The following ARVCF variants were observed in gnomAD, a reference collection of about 807,000 sequenced individuals.
The protein encoded by ARVCF is ARVCF delta catenin family member.
In ARVCF, 66 loss-of-function variants were observed where a neutral mutation model predicts 90.9. The observed-to-expected ratio is 0.73, with a 90% CI of 0.60 to 0.89. The LOEUF (loss-of-function observed/expected upper bound fraction) is 0.89, where lower values mean the gene tolerates loss of function less well. Ranked by LOEUF, ARVCF falls within the 40% of genes least tolerant of loss-of-function variation. The pLI is 0.00. For synonymous variants in ARVCF, 653 were observed against 603.4 expected, an observed-to-expected ratio of 1.08 and a Z score of -1.21; for missense variants, 1,469 against 1,382.3, an observed-to-expected ratio of 1.06 and a Z score of -1.00.
chr22:19,996,603 C>A (rs1219143561), intron 2 of ARVCF, among the ~76,000 whole-genome samples: 1 of 152,222 alleles, frequency 6.6e-6, no homozygotes, highest in Non-Finnish European at 1.5e-5. Context: ...AACAAAGTGG[C>A]ATCCTCAGCC....
Position 19,990,754 on chromosome 22 carries a change from G to A in ARVCF, c.41C>T (p.Ala14Val). ...CNVHSAASIL[A>V]SVKEQEARFE... ...GCGGGCCTCCTGCTCCTTCACCGAG[G>A]CCAGGATGCTGGCGGCCGAGTGCAC... The change falls in exon 3 of 20, where the codon GCC becomes GTC. Residue 14 changes from alanine to valine, a missense_variant. Coordinates refer to ENST00000263207, the MANE Select transcript of ARVCF (RefSeq NM_001670.3). 1 of 1,587,872 alleles carries A rather than the reference G, an allele frequency of 6.3e-7. No individual in the cohort carries two copies. Among genetic ancestry groups the A allele is most frequent in the Non-Finnish European group, 8.6e-7 (1 of 1,166,536 alleles).
downstream of ARVCF, chr22:19,966,874 G>A (rs1017375266): frequency 3.3e-6 from 3 of 916,710 alleles, no homozygotes; most frequent in Admixed American, 1.9e-4. Flanking sequence ...AAGGAGGGTG[G>A]GCCAGATGAA....
In ARVCF at chr22:19,981,552, A is replaced by G. The variant is rs2073747; in HGVS notation, c.555T>C (p.Ser185=). 0.76 allele frequency: 1,217,054 copies of G among 1,592,134 alleles called. 467,474 individuals carry two copies. Among genetic ancestry groups the G allele is most frequent in the African/African-American group, 0.8 (59,392 of 74,492 alleles). The change falls in exon 5 of 20, where the codon AGT becomes AGC. Residue 185 remains serine, a synonymous_variant. Coordinates refer to ENST00000263207, the MANE Select transcript of ARVCF (RefSeq NM_001670.3). ...VATLSRAYLS[S]GGGFPEGPEP... ...CGGGGCCTTCGGGAAAGCCACCCCCACTGCTGAGGTAGGCTCGAGAGAGTG... is the reference window on the plus strand; with the variant it reads ...CGGGGCCTTCGGGAAAGCCACCCCCGCTGCTGAGGTAGGCTCGAGAGAGTG...
At position 19,981,371 on chromosome 22, in the gene ARVCF, C is replaced by G. The variant is rs1447393002; in HGVS notation, c.736G>C (p.Gly246Arg). 6.2e-7 allele frequency: 1 copy of G among 1,602,932 alleles called. No individual in the cohort carries two copies. Among genetic ancestry groups the G allele is most frequent in the Non-Finnish European group, 8.5e-7 (1 of 1,176,128 alleles). ...AAGCGCTCGGGCAGGGAGCGGCCAC[C>G]TGGTGGCCCAGGCTCAGGACCCACC... ...FPVGPEPGPP[G>R]GRSLPERFQA... The change falls in exon 5 of 20, where the codon GGT becomes CGT. Residue 246 changes from glycine to arginine, a missense_variant. Gly to Arg is a moderately radical substitution (Grantham distance 125, BLOSUM62 -2). Transcript: ENST00000263207.
chr22:19,994,102 A>G (rs1944132162), intron 2 of ARVCF, among the ~76,000 whole-genome samples: 1 of 151,940 alleles, frequency 6.6e-6, no homozygotes, highest in African/African-American at 2.4e-5. Flanking sequence ...AGATGGATAC[A>G]GGGGTGGATG....
intron 12 of ARVCF, 30 bp from the exon 13 acceptor site, chr22:19,973,823 C>T (rs1335614791): frequency 2.5e-6 from 4 of 1,586,144 alleles, no homozygotes; most frequent in Non-Finnish European, 3.4e-6. Context: ...GTTGCTCAGA[C>T]ATACATGCCA....
chr22:19,970,726 A>C lies in ARVCF; in HGVS notation c.*30T>G. On this transcript the variant is annotated 3_prime_UTR_variant, in exon 20 of 20. Transcript: ENST00000263207. ...TTCCACGATCCAAGCCCTAAGAACA[A>C]GAGGCTGGGCCTGGGCCCTGCAGAG... 1 of 1,286,702 alleles carries C rather than the reference A, an allele frequency of 7.8e-7. No homozygotes were observed. Among genetic ancestry groups the C allele is most frequent in the South Asian group, 1.2e-5 (1 of 80,608 alleles). 79.7% of individuals were successfully genotyped at this position (1,286,702 alleles called of 1,614,324 possible).
chr22:19,981,772 CGA>C, intron 4 of ARVCF, 35 bp from the exon 5 acceptor site: 1 of 1,550,708 alleles, frequency 6.4e-7, no homozygotes, highest in South Asian at 1.2e-5. Context: ...TGGGGTAGCA[CGA>C]GAGGCCTAGA....
At chr22:19,995,388 G>A (rs893448701) in intron 2 of ARVCF, among the ~76,000 whole-genome samples, 1 of 152,048 alleles carries the variant, frequency 6.6e-6, no homozygotes, top group South Asian at 2.1e-4. Flanking sequence ...GAATGGAAGG[G>A]GGGGTGGGCT....
At chr22:19,993,865 C>A (rs761890872) in intron 2 of ARVCF, among the ~76,000 whole-genome samples, 1 of 152,172 alleles carries the variant, frequency 6.6e-6, no homozygotes, top group Non-Finnish European at 1.5e-5. Context: ...ACAAAAGTGA[C>A]GACCCAGCCC....
chr22:19,976,597 G>T, intron 10 of ARVCF, 109 bp downstream of exon 10: 1 of 1,401,560 alleles, frequency 7.1e-7, no homozygotes, highest in Non-Finnish European at 9.7e-7. Context: ...GGCAGCCCGA[G>T]TGATGAAGCC....
At chr22:19,967,158 G>C (rs1005904961), downstream of ARVCF, 1 of 1,302,548 alleles carries the variant, frequency 7.7e-7, no homozygotes, top group Non-Finnish European at 1.0e-6. Context: ...TGTTTAACTC[G>C]TGCAGGTGCA....
At chr22:19,978,333 C>T (rs1325101767) in intron 7 of ARVCF, among the ~76,000 whole-genome samples, 3 of 152,040 alleles carry the variant, frequency 2.0e-5, no homozygotes, top group African/African-American at 7.2e-5. Context: ...TTCCCTGCCT[C>T]CCAGCTGACC....
chr22:19,968,853 C>T (rs1034674434), downstream of ARVCF: 20 of 946,000 alleles, frequency 2.1e-5, no homozygotes, highest in African/African-American at 6.4e-5. Flanking sequence ...AAGCACACCT[C>T]GGCCGAGGCC....
At chr22:19,968,712 C>A (rs369908847), downstream of ARVCF, 18 of 1,611,994 alleles carry the variant, frequency 1.1e-5, no homozygotes, top group African/African-American at 2.7e-5. Flanking sequence ...TCTACAAGGG[C>A]CCAGGCAGCG....
chr22:20,009,047 C>T (rs877118), intron 2 of ARVCF, among the ~76,000 whole-genome samples: 93,971 of 151,940 alleles, frequency 0.62, 29,850 homozygotes, highest in African/African-American at 0.75. Flanking sequence ...GTTACCAGGG[C>T]TGTCGTTTGG....
chr22:19,968,479 G>A, downstream of ARVCF: 1 of 1,550,564 alleles, frequency 6.4e-7, no homozygotes, highest in African/African-American at 1.4e-5. Context: ...CTGGTTTGGG[G>A]CAGGTTCTCT....
At position 20,007,511 on chromosome 22, in the gene ARVCF, C is replaced by T. The variant is rs149940845; in HGVS notation, c.-19+2944G>A. On this transcript the variant is annotated intron_variant, in intron 2 of 19. Coordinates refer to ENST00000263207, the MANE Select transcript of ARVCF (RefSeq NM_001670.3). ...ATACTAGTTTGTGCTATGGGCTGAA[C>T]GTGTCCCCCAAAGTTCACGTGTTGG... 8.1e-3 allele frequency among the ~76,000 whole-genome samples: 1,237 copies of T among 152,366 alleles called. 13 individuals are homozygous for T. The highest frequency in any genetic ancestry group is 0.02 in the African/African-American group (840 of 41,582).
At chr22:19,995,383 G>GA (rs1944207745) in intron 2 of ARVCF, among the ~76,000 whole-genome samples, 1 of 151,776 alleles carries the variant, frequency 6.6e-6, no homozygotes. Flanking sequence ...TGCATGAATG[G>GA]AAGGGGGGGT....
Sources: gnomAD v4.1 joint callset for allele counts (sites outside exome capture counted in the v4.1 genomes callset) on GRCh38, gnomAD v4.1.1 for gene constraint, MANE v1.5 for transcripts, NCBI Gene and HGNC (gene_info 2026-07-23, HGNC 2026-07-21) for gene names.